The following ST18 variants were observed in gnomAD, a reference collection of about 807,000 sequenced individuals.
ST18 encodes the protein suppression of tumorigenicity 18 protein.
In ST18, 50 loss-of-function variants were observed where a neutral mutation model predicts 110.0. The observed-to-expected ratio is 0.45, with a 90% CI of 0.36 to 0.58. ST18 has a LOEUF of 0.58. Ranked by LOEUF, ST18 falls within the 20% of genes least tolerant of loss-of-function variation. The pLI, the probability that ST18 is intolerant of heterozygous loss-of-function variation, is 0.00. For missense variants in ST18, 1,306 were observed against 1,280.1 expected, an observed-to-expected ratio of 1.02 and a Z score of -0.31; for synonymous variants, 461 against 452.4, an observed-to-expected ratio of 1.02 and a Z score of -0.24.
chr8:52,210,138 C>A (rs1178997930), intron 8 of ST18: 2 of 456,148 alleles, frequency 4.4e-6, no homozygotes, highest in Non-Finnish European at 8.8e-6. Flanking sequence ...AACCAAGAAA[C>A]CACTCCAGGG....
At chr8:52,362,900 A>G (rs1826288539) in intron 2 of ST18, among the ~76,000 whole-genome samples, 1 of 152,144 alleles carries the variant, frequency 6.6e-6, no homozygotes. Context: ...CCTGTCAGTG[A>G]CTAGAGAGGT....
At chr8:52,186,970 T>C (rs1436987627) in intron 8 of ST18, among the ~76,000 whole-genome samples, 1 of 152,096 alleles carries the variant, frequency 6.6e-6, no homozygotes, top group East Asian at 1.9e-4. Flanking sequence ...GTTCATCTAG[T>C]GGAAACTCAC....
chr8:52,197,776 T>C (rs1417655135), intron 8 of ST18, among the ~76,000 whole-genome samples: 1 of 151,100 alleles, frequency 6.6e-6, no homozygotes, highest in Non-Finnish European at 1.5e-5. Flanking sequence ...AGTTACATAG[T>C]CAAAAGCTAG....
chr8:52,357,851 A>G (rs2140404989), intron 2 of ST18, among the ~76,000 whole-genome samples: 1 of 150,704 alleles, frequency 6.6e-6, no homozygotes, highest in Non-Finnish European at 1.5e-5. Context: ...TAAGCCAGCT[A>G]GACCTAAAAG....
At chr8:52,150,089 GC>G (rs1052236842) in intron 15 of ST18, 112 bp from the exon 16 acceptor site, 11 of 1,391,174 alleles carry the variant, frequency 7.9e-6, no homozygotes, top group Non-Finnish European at 1.9e-6. Flanking sequence ...AAGTATATCT[GC>G]TTTTAAATCT....
At position 52,300,104 on chromosome 8, in the gene ST18, G is replaced by T. The variant is rs1401073841; in HGVS notation, c.-464-70027C>A. ...TCCGTTGATTCCTTCTGCTTATTTA[G>T]CTCAGTGGTATATTTCAAAACACAA... On this transcript the variant is annotated intron_variant, in intron 2 of 25. Coordinates refer to ENST00000689386, the MANE Select transcript of ST18 (RefSeq NM_001352837.2). Among the ~76,000 whole-genome samples, 5 of 152,178 alleles carry T rather than the reference G, an allele frequency of 3.3e-5. No homozygotes were observed. In the East Asian group the frequency reaches 9.6e-4, roughly 29 times the overall value.
chr8:52,263,829 C>A, intron 2 of ST18, among the ~76,000 whole-genome samples: 1 of 143,002 alleles, frequency 7.0e-6, no homozygotes, highest in Admixed American at 6.8e-5. Flanking sequence ...TCACTGCAAC[C>A]TCTGCCTCCT....
rs1057348169 is a variant in ST18 at position 52,121,204 on chromosome 8, G to A, written c.2756-2763C>T. Among the ~76,000 whole-genome samples the A allele has an allele frequency of 1.4e-4, 21 of 152,258 alleles. No individual in the cohort carries two copies. In the East Asian group the frequency reaches 1.7e-3, roughly 13 times the overall value. On this transcript the variant is annotated intron_variant, in intron 23 of 25. Transcript: ENST00000689386. ...ACACCCCAGCCTCTTAATCAAGATG[G>A]GGCTGTTTGGAAGATGCCTAATAAC...
intron 19 of ST18, among the ~76,000 whole-genome samples, chr8:52,133,799 T>G (rs1175182978): frequency 6.6e-6 from 1 of 151,878 alleles, no homozygotes; most frequent in Non-Finnish European, 1.5e-5. Context: ...GCTGCGATCT[T>G]GGCTTACTGC....
chr8:52,357,687 A>C (rs1309535321), intron 2 of ST18, among the ~76,000 whole-genome samples: 1 of 40,482 alleles, frequency 2.5e-5, no homozygotes, highest in Non-Finnish European at 4.4e-5. Context: ...ATATATATAT[A>C]TATATATATA....
chr8:52,134,681 A>G (rs1483634965), intron 19 of ST18, among the ~76,000 whole-genome samples: 1 of 152,146 alleles, frequency 6.6e-6, no homozygotes, highest in Non-Finnish European at 1.5e-5. Context: ...ACCTGCATTG[A>G]GTCTTTTATC....
rs539138276 is a variant in ST18, at chr8:52,280,749, A to G, written c.-464-50672T>C. Among the ~76,000 whole-genome samples, 5 of 152,176 alleles carry G rather than the reference A, an allele frequency of 3.3e-5. No individual in the cohort carries two copies. The East Asian group carries it at 9.6e-4, about 29-fold the overall frequency. On this transcript the variant is annotated intron_variant, in intron 2 of 25. Coordinates refer to ENST00000689386, the MANE Select transcript of ST18 (RefSeq NM_001352837.2). ...AACATGTAAAGCAAAAATTAAGACA[A>G]CTCTAATAAAATTGGACACATCTAT...
intron 2 of ST18, among the ~76,000 whole-genome samples, chr8:52,396,568 G>A (rs1841202949): frequency 6.6e-6 from 1 of 152,162 alleles, no homozygotes; most frequent in South Asian, 2.1e-4. Flanking sequence ...AGTTCCACAT[G>A]GCTGGGGGAG....
chr8:52,214,328 A>G, intron 6 of ST18, 71 bp from the exon 7 acceptor site: 1 of 1,516,400 alleles, frequency 6.6e-7, no homozygotes, highest in Non-Finnish European at 9.1e-7. Context: ...ATGTAATTAG[A>G]AGTTCTGAAG....
intron 2 of ST18, among the ~76,000 whole-genome samples, chr8:52,309,107 T>G (rs2095859362): frequency 6.6e-6 from 1 of 152,204 alleles, no homozygotes; most frequent in African/African-American, 2.4e-5. Context: ...GGGTCGGTAC[T>G]GCTAGGCTCA....
chr8:52,163,919 AC>A lies in ST18; in HGVS notation c.1400+66del. On this transcript the variant is annotated intron_variant, in intron 13 of 25. Transcript: ENST00000689386. ...GCCACAGAGAACTGACTCATGAAGG[AC>A]CAGAGGCCCCGCTGTGCAGGAGCCT... 6.2e-6 allele frequency: 8 copies of A among 1,285,084 alleles called. No homozygotes were observed. In the South Asian group the frequency reaches 1.0e-4, roughly 16 times the overall value. 79.6% of individuals were successfully genotyped at this position (1,285,084 alleles called of 1,614,324 possible). A position where few individuals can be genotyped will look rare whatever the true frequency, so the allele number is the denominator to read the frequency against.
chr8:52,316,001 A>G (rs2096018337), intron 2 of ST18, among the ~76,000 whole-genome samples: 1 of 152,234 alleles, frequency 6.6e-6, no homozygotes, highest in Non-Finnish European at 1.5e-5. Context: ...CTACTTATTC[A>G]TATACACATA....
At chr8:52,346,503 G>A (rs911931693) in intron 2 of ST18, among the ~76,000 whole-genome samples, 1 of 152,050 alleles carries the variant, frequency 6.6e-6, no homozygotes, top group Admixed American at 6.6e-5. Context: ...GCCCCTAGTG[G>A]GCAGCTCAAT....
intron 9 of ST18, among the ~76,000 whole-genome samples, chr8:52,178,355 T>C (rs750492407): frequency 1.3e-5 from 2 of 151,648 alleles, no homozygotes; most frequent in Non-Finnish European, 2.9e-5. Context: ...GAGCCAGGCA[T>C]GGTGGCTCAC....
Sources: allele counts gnomAD v4.1 joint callset (sites outside exome capture counted in the v4.1 genomes callset), GRCh38; gene constraint gnomAD v4.1.1; transcripts MANE v1.5; gene names NCBI Gene and HGNC (gene_info 2026-07-23, HGNC 2026-07-21).